The following USP39 variants were observed in gnomAD, a reference collection of about 807,000 sequenced individuals.
USP39 encodes ubiquitin specific peptidase 39.
USP39 carries 38 observed loss-of-function variants against 66.4 expected under a neutral mutation model. The ratio of observed to expected loss-of-function variants is 0.57; its 90% CI spans 0.44 to 0.75. The LOEUF (loss-of-function observed/expected upper bound fraction) is 0.75, where lower values mean the gene tolerates loss of function less well. Ranked by LOEUF, USP39 falls within the 30% of genes least tolerant of loss-of-function variation. The pLI is 0.00. For synonymous variants in USP39, 303 were observed against 274.6 expected, an observed-to-expected ratio of 1.10 and a Z score of -1.02; for missense variants, 608 against 714.4, an observed-to-expected ratio of 0.85 and a Z score of 1.70.
chr2:85,632,419 TTAAA>T (rs1425018504), intron 6 of USP39, among the ~76,000 whole-genome samples: 1 of 151,834 alleles, frequency 6.6e-6, no homozygotes, highest in Non-Finnish European at 1.5e-5. Context: ...GACCCTGTCT[TTAAA>T]AATCAATAAG....
In USP39 at chr2:85,645,571, C is replaced by T. The variant is rs543770053; in HGVS notation, c.1563+488C>T. 7.2e-5 allele frequency among the ~76,000 whole-genome samples: 11 copies of T among 152,210 alleles called. No homozygotes were observed. In the South Asian group the frequency reaches 1.2e-3, roughly 17 times the overall value. ...TGTTGGGATTACAGGCGTGAGCCACCGCGCCAACCGGGAGCTTTTTAAAAT... is the reference window on the plus strand; with the variant it reads ...TGTTGGGATTACAGGCGTGAGCCACTGCGCCAACCGGGAGCTTTTTAAAAT... On this transcript the variant is annotated intron_variant, in intron 11 of 12. Coordinates refer to ENST00000323701, the MANE Select transcript of USP39 (RefSeq NM_006590.4).
chr2:85,614,069 C>T (rs1210500500), upstream of USP39, among the ~76,000 whole-genome samples: 8 of 151,986 alleles, frequency 5.3e-5, no homozygotes, highest in Admixed American at 5.2e-4. Flanking sequence ...GTACTGGGCC[C>T]AGATCCCGTC....
chr2:85,635,082 G>A (rs1236990038), intron 6 of USP39, among the ~76,000 whole-genome samples: 3 of 152,212 alleles, frequency 2.0e-5, no homozygotes, highest in Non-Finnish European at 4.4e-5. Context: ...GTTTCTTGCT[G>A]TGGTAGTTTG....
intron 6 of USP39, among the ~76,000 whole-genome samples, chr2:85,635,215 T>A (rs1017209130): frequency 6.6e-6 from 1 of 152,202 alleles, no homozygotes; most frequent in Non-Finnish European, 1.5e-5. Context: ...AGATTTTAAT[T>A]GCGTGAGCAA....
chr2:85,609,504 A>G, upstream of USP39: 1 of 1,614,240 alleles, frequency 6.2e-7, no homozygotes, highest in Non-Finnish European at 8.5e-7. Context: ...GCTGATGGCC[A>G]GAAGGCTCCA....
chr2:85,635,248 T>C (rs1675668735), intron 6 of USP39, among the ~76,000 whole-genome samples: 1 of 152,154 alleles, frequency 6.6e-6, no homozygotes, highest in African/African-American at 2.4e-5. Flanking sequence ...TAGAAGCAAA[T>C]CTTCGTTGAA....
chr2:85,638,532 A>G (rs1675970282), intron 8 of USP39, among the ~76,000 whole-genome samples: 1 of 151,614 alleles, frequency 6.6e-6, no homozygotes, highest in Admixed American at 6.6e-5. Context: ...AATTTAATTA[A>G]TTAATTAATT....
upstream of USP39, chr2:85,608,961 C>A (rs376820834): frequency 2.5e-6 from 4 of 1,614,186 alleles, no homozygotes; most frequent in Non-Finnish European, 3.4e-6. Flanking sequence ...TTGGCTCTGG[C>A]GCTTTGCAAT....
chr2:85,636,089 C>T lies in USP39; in HGVS notation c.986C>T (p.Ala329Val), dbSNP rs1311009123. Residue 329 changes from alanine to valine, a missense_variant, in exon 7 of 13, where the codon GCT (alanine) becomes GTT (valine). Coordinates refer to ENST00000323701, the MANE Select transcript of USP39 (RefSeq NM_006590.4). Reference sequence around the variant, plus strand: ...GACTTTCTGTCTTGGTTTCTGAATGCTCTGCACTCAGCTCTGGGGGGCACA... The same window carrying T: ...GACTTTCTGTCTTGGTTTCTGAATGTTCTGCACTCAGCTCTGGGGGGCACA... ...GVDFLSWFLNALHSALGGTKK... is the reference protein window; with the variant it reads ...GVDFLSWFLNVLHSALGGTKK... 2 of 1,614,096 alleles carry T rather than the reference C, an allele frequency of 1.2e-6. No individual in the cohort carries two copies. Among genetic ancestry groups the T allele is most frequent in the Admixed American group, 1.7e-5 (1 of 60,002 alleles).
At chr2:85,606,568 T>A (rs537378845) in intron 1 of USP39, 1 of 152,360 alleles carries the variant, frequency 6.6e-6, no homozygotes, top group South Asian at 2.1e-4. Context: ...AGCTTAATGC[T>A]TAATACAGTC....
intron 2 of USP39, among the ~76,000 whole-genome samples, chr2:85,620,336 A>T (rs895050080): frequency 6.6e-6 from 1 of 151,772 alleles, no homozygotes. Flanking sequence ...AAAATTAGCC[A>T]GGTGTGGTGG....
At chr2:85,648,717 CTGAA>C in intron 12 of USP39, 40 bp from the exon 13 acceptor site, 1 of 1,608,388 alleles carries the variant, frequency 6.2e-7, no homozygotes, top group Non-Finnish European at 8.5e-7. Flanking sequence ...TGTCTGTTGA[CTGAA>C]TGCCTCCTAG....
chr2:85,610,015 T>G (rs1278413261), upstream of USP39, among the ~76,000 whole-genome samples: 1 of 139,308 alleles, frequency 7.2e-6, no homozygotes, highest in African/African-American at 2.8e-5. Flanking sequence ...TGTAAGTGGT[T>G]TTTTTTTTTT....
chr2:85,640,837 A>G, intron 9 of USP39, 139 bp from the exon 10 acceptor site: 2 of 621,538 alleles, frequency 3.2e-6, no homozygotes, highest in Non-Finnish European at 5.2e-6. Flanking sequence ...CTCATACATA[A>G]TTTCTCGGAC....
At chr2:85,609,542 C>T, upstream of USP39, 4 of 1,614,212 alleles carry the variant, frequency 2.5e-6, no homozygotes, top group East Asian at 2.2e-5. Context: ...CTGCTGCTTT[C>T]ACCGGACTCT....
At chr2:85,625,757 C>G (rs990463413) in intron 5 of USP39, 66 bp downstream of exon 5, 3 of 1,562,108 alleles carry the variant, frequency 1.9e-6, no homozygotes, top group Non-Finnish European at 1.7e-6. Context: ...AGTGGCTCAC[C>G]CCTGTAATCC....
chr2:85,611,627 A>T (rs780178936), upstream of USP39: 38 of 1,562,584 alleles, frequency 2.4e-5, no homozygotes, highest in Non-Finnish European at 3.2e-5. Context: ...CGTTGCAGGA[A>T]GAGCGCGCGG....
At chr2:85,643,053 A>G (rs1006224497) in intron 10 of USP39, among the ~76,000 whole-genome samples, 1 of 151,634 alleles carries the variant, frequency 6.6e-6, no homozygotes, top group African/African-American at 2.4e-5. Context: ...CCTGGACAAC[A>G]TAGCAAGACC....
chr2:85,609,248 C>A (rs967788756), upstream of USP39, among the ~76,000 whole-genome samples: 1 of 152,220 alleles, frequency 6.6e-6, no homozygotes, highest in Non-Finnish European at 1.5e-5. Context: ...CCTCCCTGTT[C>A]CCCTACTGAG....
Sources: gnomAD v4.1 joint callset for allele counts (sites outside exome capture counted in the v4.1 genomes callset) on GRCh38, gnomAD v4.1.1 for gene constraint, MANE v1.5 for transcripts, NCBI Gene and HGNC (gene_info 2026-07-23, HGNC 2026-07-21) for gene names.